Variants in EML6 observed in about 807,000 individuals in gnomAD.
The protein encoded by EML6 is echinoderm microtubule-associated protein-like 6.
EML6 carries 154 observed loss-of-function variants against 240.1 expected under a neutral mutation model. That is an observed-to-expected ratio of 0.64 (90% CI 0.56 to 0.73). The LOEUF is 0.73. Among genes scored for constraint, EML6 ranks in the 30% least tolerant of loss-of-function variants. The probability of loss-of-function intolerance (pLI) is 0.00; values close to 1 mark genes in which losing one functional copy is unlikely to be tolerated. For missense variants in EML6, 2,964 were observed against 2,474.6 expected (o/e 1.20, Z -4.20); for synonymous variants, 1,148 against 899.0 (o/e 1.28, Z -4.95).
At chr2:54,867,891 C>T (rs572520618) in intron 14 of EML6, 2 of 152,228 alleles carry the variant, frequency 1.3e-5, no homozygotes, top group African/African-American at 4.8e-5. Context: ...GCTTGAGAGT[C>T]CTTTGTCACC....
intron 2 of EML6, among the ~76,000 whole-genome samples, chr2:54,767,117 T>C (rs1221956008): frequency 1.3e-5 from 2 of 152,162 alleles, no homozygotes; most frequent in African/African-American, 2.4e-5. Context: ...GCAGTCAAAG[T>C]AGGTTTTTAT....
In EML6 at chr2:54,869,131, G is replaced by C. The variant is rs1380799883; in HGVS notation, c.2052-50G>C. Reference sequence around the variant, plus strand: ...TTGCCTCTGACACCTCCTGCTCCATGCATTTGCTGTTTGTTCAACCACTAT... The same window carrying C: ...TTGCCTCTGACACCTCCTGCTCCATCCATTTGCTGTTTGTTCAACCACTAT... On this transcript the variant is annotated intron_variant, in intron 14 of 41. Transcript: ENST00000356458. 2.3e-6 allele frequency: 3 copies of C among 1,286,518 alleles called. No individual in the cohort carries two copies. The South Asian group carries it at 4.1e-5, about 18-fold the overall frequency. 79.7% of individuals were successfully genotyped at this position (1,286,518 alleles called of 1,614,324 possible). A position where few individuals can be genotyped will look rare whatever the true frequency, so the allele number is the denominator to read the frequency against.
At chr2:54,858,837 T>G (rs1336293624) in intron 11 of EML6, among the ~76,000 whole-genome samples, 2 of 152,176 alleles carry the variant, frequency 1.3e-5, no homozygotes, top group African/African-American at 4.8e-5. Flanking sequence ...AGAGAAACTG[T>G]GAGAAATAGA....
At chr2:54,823,606 C>T (rs1162918101) in intron 5 of EML6, among the ~76,000 whole-genome samples, 1 of 152,068 alleles carries the variant, frequency 6.6e-6, no homozygotes. Flanking sequence ...AAAATTGTTT[C>T]AGCCATGAGT....
intron 2 of EML6, among the ~76,000 whole-genome samples, chr2:54,804,780 T>C (rs189989738): frequency 1.3e-5 from 2 of 152,348 alleles, no homozygotes; most frequent in East Asian, 3.9e-4. Context: ...TTTTCAGGAC[T>C]GTTCTCTCTG....
intron 2 of EML6, among the ~76,000 whole-genome samples, chr2:54,752,432 A>G (rs1684218149): frequency 2.0e-5 from 3 of 152,204 alleles, no homozygotes; most frequent in Admixed American, 2.0e-4. Context: ...GCAGCCTGGA[A>G]CCTCTCACCT....
At chr2:54,856,893 G>T (rs1268232418) in intron 11 of EML6, among the ~76,000 whole-genome samples, 1 of 152,192 alleles carries the variant, frequency 6.6e-6, no homozygotes, top group Non-Finnish European at 1.5e-5. Context: ...CAGGAGTCCA[G>T]GTAAGAGATG....
intron 2 of EML6, among the ~76,000 whole-genome samples, chr2:54,761,107 C>T (rs1480287934): frequency 6.6e-6 from 1 of 152,018 alleles, no homozygotes; most frequent in African/African-American, 2.4e-5. Flanking sequence ...AGTGGTAGTG[C>T]AGCCAAATGA....
intron 16 of EML6, among the ~76,000 whole-genome samples, chr2:54,871,822 T>A (rs961780452): frequency 6.6e-6 from 1 of 152,242 alleles, no homozygotes; most frequent in Non-Finnish European, 1.5e-5. Flanking sequence ...AATGTGGCCT[T>A]TAGATTACAC....
intron 2 of EML6, among the ~76,000 whole-genome samples, chr2:54,797,213 T>G (rs1199407734): frequency 6.8e-6 from 1 of 147,350 alleles, no homozygotes; most frequent in African/African-American, 2.5e-5. Flanking sequence ...GGTCTAAGGT[T>G]GAGTCTGAGG....
At chr2:54,900,491 C>T (rs967013841) in intron 22 of EML6, among the ~76,000 whole-genome samples, 1 of 152,218 alleles carries the variant, frequency 6.6e-6, no homozygotes, top group Non-Finnish European at 1.5e-5. Flanking sequence ...GGCGGCTGCT[C>T]TCACTGGCCC....
chr2:54,787,904 C>A (rs1283653828), intron 2 of EML6, among the ~76,000 whole-genome samples: 1 of 152,128 alleles, frequency 6.6e-6, no homozygotes, highest in African/African-American at 2.4e-5. Context: ...TGTACACACC[C>A]CGTCCCCCGA....
At chr2:54,886,604 C>T (rs192213839) in intron 17 of EML6, among the ~76,000 whole-genome samples, 61 of 152,290 alleles carry the variant, frequency 4.0e-4, no homozygotes, top group African/African-American at 1.4e-3. Context: ...ACATTCTGGC[C>T]AACACTTGTT....
rs548892049 is a variant in EML6, at chr2:54,801,730, C to G, written c.198-11502C>G. Among the ~76,000 whole-genome samples the G allele has an allele frequency of 2.0e-5, 3 of 152,254 alleles. No individual in the cohort carries two copies. The South Asian group carries it at 6.2e-4, about 32-fold the overall frequency. ...TCTTCTGAACAAACTATTGTAAGAA[C>G]CTAATGCAATTTTTCAAAACCAACA... On this transcript the variant is annotated intron_variant, in intron 2 of 41. Transcript: ENST00000356458.
intron 4 of EML6, among the ~76,000 whole-genome samples, chr2:54,819,296 C>G (rs558209092): frequency 7.2e-5 from 11 of 152,260 alleles, no homozygotes; most frequent in African/African-American, 2.4e-4. Flanking sequence ...CTCCTGGAGT[C>G]TCTTTAAAGT....
chr2:54,871,407 A>G (rs1320127521), intron 15 of EML6, 93 bp from the exon 16 acceptor site: 21 of 932,458 alleles, frequency 2.3e-5, no homozygotes, highest in Non-Finnish European at 3.6e-5. Context: ...AAATGGGTTT[A>G]TCTTGGTTTC....
chr2:54,935,436 T>A (rs904362853), intron 28 of EML6, among the ~76,000 whole-genome samples: 1 of 152,250 alleles, frequency 6.6e-6, no homozygotes, highest in Non-Finnish European at 1.5e-5. Flanking sequence ...GTAACTACTT[T>A]TGCGTATGTT....
At chr2:54,946,595 T>A (rs1309585455) in intron 28 of EML6, among the ~76,000 whole-genome samples, 3 of 152,186 alleles carry the variant, frequency 2.0e-5, no homozygotes, top group African/African-American at 7.2e-5. Context: ...ATGAACACTG[T>A]TTATAGATGC....
At chr2:54,881,201 A>G (rs1373752380) in intron 17 of EML6, 1 of 152,220 alleles carries the variant, frequency 6.6e-6, no homozygotes, top group Non-Finnish European at 1.5e-5. Flanking sequence ...GTTCTTTGGA[A>G]GAACAGTAGA....
Sources: gnomAD v4.1 joint callset for allele counts (sites outside exome capture counted in the v4.1 genomes callset) on GRCh38, gnomAD v4.1.1 for gene constraint, MANE v1.5 for transcripts, NCBI Gene and HGNC (gene_info 2026-07-23, HGNC 2026-07-21) for gene names.